Variants in DHX9 observed in about 807,000 individuals in gnomAD.
The protein encoded by DHX9 is DExH-box helicase 9.
Under a neutral mutation model 148.7 loss-of-function variants are expected in DHX9, and 27 were observed. The ratio of observed to expected loss-of-function variants is 0.18; its 90% CI spans 0.13 to 0.25. The LOEUF (loss-of-function observed/expected upper bound fraction) is 0.25, where lower values mean the gene tolerates loss of function less well. DHX9 is among the 10% of genes least tolerant of loss of function. DHX9 has a pLI of 1.00. For synonymous variants in DHX9, 529 were observed against 516.6 expected (o/e 1.02, Z -0.33); for missense variants, 796 against 1,559.6 (o/e 0.51, Z 8.25).
chr1:182,881,457 G>C, intron 23 of DHX9, 32 bp downstream of exon 23: 4 of 1,610,238 alleles, frequency 2.5e-6, no homozygotes, highest in Non-Finnish European at 3.4e-6. Flanking sequence ...GCTGTCTGTA[G>C]TTTCTCATTT....
intron 1 of DHX9, among the ~76,000 whole-genome samples, chr1:182,841,406 T>C (rs1398950003): frequency 6.6e-6 from 1 of 152,266 alleles, no homozygotes; most frequent in African/African-American, 2.4e-5. Context: ...AGGAGTTTGA[T>C]AGTATAGTCC....
intron 3 of DHX9, among the ~76,000 whole-genome samples, chr1:182,850,106 G>A (rs917399537): frequency 6.7e-6 from 1 of 150,170 alleles, no homozygotes; most frequent in East Asian, 2.0e-4. Flanking sequence ...GTCTCTGACT[G>A]CTCCTTAATT....
chr1:182,878,748 A>G (rs1472623618), intron 20 of DHX9, among the ~76,000 whole-genome samples: 1 of 152,234 alleles, frequency 6.6e-6, no homozygotes, highest in East Asian at 1.9e-4. Context: ...TATGAAATCC[A>G]AAACGCTCTA....
Position 182,887,495 on chromosome 1 carries a change from A to T in DHX9, c.*61A>T, listed in dbSNP as rs1444411672. 2.1e-6 allele frequency: 3 copies of T among 1,438,810 alleles called. No homozygotes were observed. The highest frequency in any genetic ancestry group is 1.4e-5 in the African/African-American group (1 of 70,776). 89.1% of individuals were successfully genotyped at this position (1,438,810 alleles called of 1,614,324 possible). ...AGGAAAAAAAGGCATGCTATGTGTT[A>T]CGTGTTTTTTCCAGTATGTTTATTT... On this transcript the variant is annotated 3_prime_UTR_variant, in exon 28 of 28. Transcript: ENST00000367549.
At chr1:182,871,054 A>C (rs560984138) in intron 14 of DHX9, among the ~76,000 whole-genome samples, 1 of 152,320 alleles carries the variant, frequency 6.6e-6, no homozygotes, top group South Asian at 2.1e-4. Flanking sequence ...CTTGAAATAA[A>C]AGATCAATAT....
rs1448590339 is a variant in DHX9 at position 182,860,130 on chromosome 1, A to G, written c.1278A>G (p.Leu426=). The G allele has an allele frequency of 1.2e-6, 2 of 1,613,842 alleles. No individual in the cohort carries two copies. ...CCACACAGGTTCCCCAGTTCATTCT[A>G]GATGACTTTATCCAGAATGACCGAG... ...GKTTQVPQFI[L]DDFIQNDRAA... Residue 426 remains leucine (L), a synonymous_variant, in exon 12 of 28, where the codon CTA becomes CTG. Transcript: ENST00000367549.
chr1:182,881,784 G>T, intron 24 of DHX9, 137 bp downstream of exon 24: 2 of 886,174 alleles, frequency 2.3e-6, no homozygotes, highest in East Asian at 2.8e-5. Flanking sequence ...CTTAGTTCTC[G>T]TGAACACTGG....
intron 20 of DHX9, among the ~76,000 whole-genome samples, chr1:182,878,458 T>C (rs184356736): frequency 6.4e-4 from 97 of 152,360 alleles, no homozygotes; most frequent in Non-Finnish European, 1.1e-3. Context: ...CTATAAAATA[T>C]TAAGTTACTT....
chr1:182,883,877 C>T lies in DHX9; in HGVS notation c.3260+242C>T, dbSNP rs140522405. Among the ~76,000 whole-genome samples, 1,004 of 152,250 alleles carry T rather than the reference C, an allele frequency of 6.6e-3. 6 individuals are homozygous for T. The highest frequency in any genetic ancestry group is 0.02 in the Middle Eastern group (6 of 294). On this transcript the variant is annotated intron_variant, in intron 26 of 27. Transcript: ENST00000367549. Reference sequence around the variant, plus strand: ...TGAAGCTTGAGTACCCTTTCACATACTCTGTATATTGATTCAAAACTAGTG... The same window carrying T: ...TGAAGCTTGAGTACCCTTTCACATATTCTGTATATTGATTCAAAACTAGTG...
Position 182,860,064 on chromosome 1 carries a change from T to C in DHX9, c.1212T>C (p.Asn404=). 3.1e-6 allele frequency: 5 copies of C among 1,614,012 alleles called. No individual in the cohort carries two copies. Among genetic ancestry groups the C allele is most frequent in the Non-Finnish European group, 4.2e-6 (5 of 1,179,966 alleles). ...AGATTCTGGAAGCAATCAGCCAAAA[T>C]TCAGTTGTCATTATTAGAGGGGCTA... The part of the protein sequence containing the change: ...ESEILEAISQ[N]SVVIIRGATG... Residue 404 remains asparagine (N), a synonymous_variant, in exon 12 of 28, where the codon AAT becomes AAC. Transcript: ENST00000367549.
rs765256074 is a variant in DHX9, at chr1:182,879,441, G to C, written c.2512+31G>C. The C allele has an allele frequency of 2.1e-6, 3 of 1,405,996 alleles. No homozygotes were observed. The East Asian group carries it at 7.3e-5, about 34-fold the overall frequency. 87.1% of individuals were successfully genotyped at this position (1,405,996 alleles called of 1,614,324 possible). On this transcript the variant is annotated intron_variant, in intron 21 of 27. Coordinates refer to ENST00000367549, the MANE Select transcript of DHX9 (RefSeq NM_001357.5). ...TACAAATACAAACCTACTTGACGCA[G>C]ATATTAATCATACCATCTGTCTTGT... is the stretch of plus-strand genomic sequence containing the variant.
rs1311869417 is a variant in DHX9, at chr1:182,887,923, AAATACTGGC to A, written c.*492_*500del. ...GAATTGAATTGTTACCTTTTGAAGT[AAATACTGGC>A]AAGTGCACAAGCCACATAAACCTGA... On this transcript the variant is annotated 3_prime_UTR_variant, in exon 28 of 28. Transcript: ENST00000367549. Among the ~76,000 whole-genome samples the A allele has an allele frequency of 6.6e-6, 1 of 152,220 alleles. No homozygotes were observed. The highest frequency in any genetic ancestry group is 1.9e-4 in the East Asian group (1 of 5,196).
At chr1:182,876,793 G>A in intron 18 of DHX9, 37 bp from the exon 19 acceptor site, 2 of 1,491,158 alleles carry the variant, frequency 1.3e-6, no homozygotes, top group Non-Finnish European at 1.9e-6. Context: ...TAACTAATAA[G>A]AATATTTTCT....
intron 24 of DHX9, among the ~76,000 whole-genome samples, chr1:182,882,797 A>G (rs535664660): frequency 2.7e-4 from 41 of 151,668 alleles, no homozygotes; most frequent in Admixed American, 5.3e-4. Context: ...CCCGGGAGGC[A>G]GAGCTTGCAG....
At chr1:182,872,587 T>C in intron 15 of DHX9, 94 bp downstream of exon 15, 2 of 1,336,270 alleles carry the variant, frequency 1.5e-6, no homozygotes, top group South Asian at 2.9e-5. Flanking sequence ...TAAAGAATAC[T>C]TAAAATACAG....
At chr1:182,855,841 A>G in intron 6 of DHX9, 1 of 649,744 alleles carries the variant, frequency 1.5e-6, no homozygotes, top group Non-Finnish European at 1.9e-6. Context: ...CAGAATGCAT[A>G]GTTATCAAAG....
rs1649396774 is a variant in DHX9 at position 182,887,636 on chromosome 1, T to G, written c.*202T>G. On this transcript the variant is annotated 3_prime_UTR_variant, in exon 28 of 28. Transcript: ENST00000367549. ...ATATTATGTAAAATATAACGATCTC[T>G]TAAAAATACCACAGTTTGTATTTTT... 1 of 520,100 alleles carries G rather than the reference T, an allele frequency of 1.9e-6. No individual in the cohort carries two copies. Among genetic ancestry groups the G allele is most frequent in the Admixed American group, 3.3e-5 (1 of 29,978 alleles). 32.2% of individuals were successfully genotyped at this position (520,100 alleles called of 1,614,324 possible).
chr1:182,862,512 G>C (rs140403569), intron 12 of DHX9, among the ~76,000 whole-genome samples: 9 of 152,296 alleles, frequency 5.9e-5, no homozygotes, highest in African/African-American at 1.9e-4. Flanking sequence ...TATCAATCCT[G>C]TACTTACCCC....
intron 12 of DHX9, 174 bp downstream of exon 12, chr1:182,860,358 A>G (rs1220066710): frequency 2.0e-6 from 1 of 504,256 alleles, no homozygotes; most frequent in Non-Finnish European, 3.3e-6. Context: ...CTAGTATGCT[A>G]CACTAATAAG....
Sources: allele counts gnomAD v4.1 joint callset (sites outside exome capture counted in the v4.1 genomes callset), GRCh38; gene constraint gnomAD v4.1.1; transcripts MANE v1.5; gene names NCBI Gene and HGNC (gene_info 2026-07-23, HGNC 2026-07-21).